TAAR2: variants seen among roughly 807,000 people sequenced by gnomAD.
TAAR2 encodes the protein trace amine-associated receptor 2.
A neutral mutation model predicts 25.5 loss-of-function variants in TAAR2; 30 were observed. That is an observed-to-expected ratio of 1.18 (90% CI 0.88 to 1.60). TAAR2 has a LOEUF of 1.60. TAAR2 is among the 40% of genes most tolerant of loss of function. The pLI, the probability that TAAR2 is intolerant of heterozygous loss-of-function variation, is 0.00. For synonymous variants in TAAR2, 150 were observed against 142.4 expected, an observed-to-expected ratio of 1.05 and a Z score of -0.38; for missense variants, 481 against 416.5, an observed-to-expected ratio of 1.15 and a Z score of -1.35.
At chr6:132,622,823 T>A (rs1777392670) in intron 1 of TAAR2, among the ~76,000 whole-genome samples, 1 of 152,124 alleles carries the variant, frequency 6.6e-6, no homozygotes, top group Admixed American at 6.6e-5. Context: ...TCACTATGTC[T>A]TTCTGCCAGC....
Position 132,617,575 on chromosome 6 carries a change from T to C in TAAR2, c.631A>G (p.Thr211Ala), listed in dbSNP as rs1276533248. 5.0e-6 allele frequency: 8 copies of C among 1,613,858 alleles called. No individual in the cohort carries two copies. The highest frequency in any genetic ancestry group is 1.1e-5 in the South Asian group (1 of 91,084). Residue 211 changes from threonine (T) to alanine (A), a missense_variant, in exon 2 of 2, where the codon ACC (threonine) becomes GCC (alanine). By Grantham distance (58) the Thr-to-Ala change is moderately conservative (BLOSUM62 0). Transcript: ENST00000367931. ...CPVMFNKLWG[T>A]TLFMAGFFTP... ...AAGAAACCTGCCATAAACAAGGTGG[T>C]CCCCCATAGCTTGTTGAACATCACT...
At chr6:132,622,950 G>A (rs1171986062) in intron 1 of TAAR2, among the ~76,000 whole-genome samples, 1 of 152,064 alleles carries the variant, frequency 6.6e-6, no homozygotes, top group Non-Finnish European at 1.5e-5. Flanking sequence ...ATATTAAATG[G>A]ATGGTATAAT....
chr6:132,621,760 T>C (rs1777378203), intron 1 of TAAR2, among the ~76,000 whole-genome samples: 1 of 152,150 alleles, frequency 6.6e-6, no homozygotes, highest in Non-Finnish European at 1.5e-5. Context: ...CATAATATGA[T>C]GTCTACATTC....
chr6:132,621,169 AC>A (rs1341893761), intron 1 of TAAR2, among the ~76,000 whole-genome samples: 26 of 150,628 alleles, frequency 1.7e-4, no homozygotes, highest in Non-Finnish European at 2.5e-4. Flanking sequence ...AAAAAAAAAA[AC>A]AACAACAAAT....
rs752716983 is a variant in TAAR2, at chr6:132,617,674, C to A, written c.532G>T (p.Val178Leu). Reference sequence around the variant, plus strand: ...TCTGCATAGGCCTCTGAGAAGACCACCCCGAAGGCAAATGCTCCAGGGACC... The same window carrying A: ...TCTGCATAGGCCTCTGAGAAGACCAACCCGAAGGCAAATGCTCCAGGGACC... ...WSVPGAFAFGVVFSEAYADGI... is the reference protein window; with the variant it reads ...WSVPGAFAFGLVFSEAYADGI... The change falls in exon 2 of 2, where the codon GTG becomes TTG. Residue 178 changes from valine to leucine, a missense_variant. Transcript: ENST00000367931. 2 of 1,613,886 alleles carry A rather than the reference C, an allele frequency of 1.2e-6. No individual in the cohort carries two copies. Among genetic ancestry groups the A allele is most frequent in the Admixed American group, 1.7e-5 (1 of 59,996 alleles).
intron 1 of TAAR2, among the ~76,000 whole-genome samples, chr6:132,623,851 A>G (rs887700026): frequency 6.6e-6 from 1 of 152,078 alleles, no homozygotes; most frequent in African/African-American, 2.4e-5. Flanking sequence ...GTCTGCTATT[A>G]CATAAAGGCT....
At chr6:132,618,453 A>T (rs574783764) in intron 1 of TAAR2, among the ~76,000 whole-genome samples, 1 of 152,250 alleles carries the variant, frequency 6.6e-6, no homozygotes, top group South Asian at 2.1e-4. Context: ...TAGCCTGGCC[A>T]ACATGGTGAA....
chr6:132,618,392 C>A (rs1478625287), intron 1 of TAAR2, among the ~76,000 whole-genome samples: 1 of 152,168 alleles, frequency 6.6e-6, no homozygotes, highest in African/African-American at 2.4e-5. Flanking sequence ...GTAATCCCAG[C>A]ACTTTAGGAG....
chr6:132,621,954 A>T, intron 1 of TAAR2, among the ~76,000 whole-genome samples: 1 of 151,604 alleles, frequency 6.6e-6, no homozygotes, highest in South Asian at 2.1e-4. Context: ...CGTATCTTTC[A>T]TATCTTTCAT....
intron 1 of TAAR2, 62 bp from the exon 2 acceptor site, chr6:132,618,207 G>C: frequency 7.0e-7 from 1 of 1,426,092 alleles, no homozygotes; most frequent in Non-Finnish European, 9.4e-7. Flanking sequence ...TTTTATATAT[G>C]CTTTCATAGA....
chr6:132,624,068 A>C, intron 1 of TAAR2, 148 bp downstream of exon 1: 1 of 770,698 alleles, frequency 1.3e-6, no homozygotes, highest in Non-Finnish European at 2.1e-6. Context: ...TTCTTTGATA[A>C]ATGTGATTAA....
chr6:132,624,216 C>T lies in TAAR2; in HGVS notation c.60G>A (p.Lys20=), dbSNP rs199700205. 1 of 1,613,318 alleles carries T rather than the reference C, an allele frequency of 6.2e-7. No homozygotes were observed. Among genetic ancestry groups the T allele is most frequent in the East Asian group, 2.2e-5 (1 of 44,774 alleles). The change falls in exon 1 of 2, where the codon AAG becomes AAA. Residue 20 remains lysine, a splice_region_variant and synonymous_variant. Transcript: ENST00000367931. ...LSHFKRTQTK[K]EKFNCSEYGN... ...CTTAGTCATATGTTTAAGGGCCTAC[C>T]TTTTTTGTCTGTGTTCTTTTGAAAT... is the stretch of plus-strand genomic sequence containing the variant.
chr6:132,618,586 G>T (rs998510923), intron 1 of TAAR2, among the ~76,000 whole-genome samples: 3 of 152,018 alleles, frequency 2.0e-5, no homozygotes, highest in African/African-American at 7.2e-5. Context: ...GTTGCAGTGA[G>T]CCGAGATTGT....
In TAAR2 at chr6:132,618,025, T is replaced by G; in HGVS notation, c.181A>C (p.Asn61His). ...GAAATGGAAATTATCATGGCAAGAT[T>G]GCCAAATATTGTGATGAATATGGAT... ...AGSIFITIFG[N>H]LAMIISISYF... Residue 61 changes from asparagine (N) to histidine (H), a missense_variant, in exon 2 of 2, where the codon AAT (asparagine) becomes CAT (histidine). Physicochemically the swap from Asn to His is moderately conservative, Grantham distance 68. Transcript: ENST00000367931. The G allele has an allele frequency of 6.2e-7, 1 of 1,614,058 alleles. No homozygotes were observed. The highest frequency in any genetic ancestry group is 1.1e-5 in the South Asian group (1 of 91,072).
chr6:132,622,586 A>C (rs1219476028), intron 1 of TAAR2, among the ~76,000 whole-genome samples: 1 of 145,152 alleles, frequency 6.9e-6, no homozygotes, highest in Non-Finnish European at 1.5e-5. Context: ...CCCAGGTTCA[A>C]GTGATTCTCC....
Position 132,617,489 on chromosome 6 carries a change from A to G in TAAR2, c.717T>C (p.His239=). ...YGKIFAVSRK[H]AHAINNLREN... ...CTCGCAAGTTATTGATGGCATGAGC[A>G]TGTTTTCTGGATACTGCAAAAATTT... The change falls in exon 2 of 2, where the codon CAT becomes CAC. Residue 239 remains histidine, a synonymous_variant. Transcript: ENST00000367931. The G allele has an allele frequency of 1.2e-6, 2 of 1,614,022 alleles. No individual in the cohort carries two copies. The highest frequency in any genetic ancestry group is 1.7e-6 in the Non-Finnish European group (2 of 1,179,980).
chr6:132,617,527 C>T lies in TAAR2; in HGVS notation c.679G>A (p.Gly227Arg). The stretch of plus-strand genomic sequence containing the variant: ...ACTGCAAAAATTTTGCCATAAATCC[C>T]CACCATCATAGACCCAGGAGTGAAG... ...GFFTPGSMMVGIYGKIFAVSR... is the reference protein window; with the variant it reads ...GFFTPGSMMVRIYGKIFAVSR... The change falls in exon 2 of 2, where the codon GGG becomes AGG. Residue 227 changes from glycine (G) to arginine (R), a missense_variant. Physicochemically the swap from Gly to Arg is moderately radical, Grantham distance 125. Transcript: ENST00000367931. 2 of 1,613,918 alleles carry T rather than the reference C, an allele frequency of 1.2e-6. No individual in the cohort carries two copies. Among genetic ancestry groups the T allele is most frequent in the Non-Finnish European group, 1.7e-6 (2 of 1,179,972 alleles).
chr6:132,617,700 G>T lies in TAAR2; in HGVS notation c.506C>A (p.Ser169Ter), dbSNP rs141784743. The T allele has an allele frequency of 1.9e-6, 3 of 1,613,728 alleles. No homozygotes were observed. The African/African-American group carries it at 4.0e-5, about 22-fold the overall frequency. ...CCCGAAGGCAAATGCTCCAGGGACC[G>T]ACCAACATAGAAGTAGCAATCTTTT... ...VIKRLLLLCW[S>*]VPGAFAFGVV... The change falls in exon 2 of 2, where the codon TCG becomes TAG. Residue 169 changes from serine to a stop codon, truncating the protein, a stop_gained. Transcript: ENST00000367931. LOFTEE classifies it high-confidence loss of function.
At chr6:132,622,382 G>T (rs1376422692) in intron 1 of TAAR2, among the ~76,000 whole-genome samples, 1 of 145,930 alleles carries the variant, frequency 6.9e-6, no homozygotes, top group African/African-American at 2.5e-5. Context: ...AGAATGTTCT[G>T]ATTTTTCTTT....
Sources: allele counts gnomAD v4.1 joint callset (sites outside exome capture counted in the v4.1 genomes callset), GRCh38; gene constraint gnomAD v4.1.1; transcripts MANE v1.5; gene names NCBI Gene and HGNC (gene_info 2026-07-23, HGNC 2026-07-21).